PHACTR3: variants seen among roughly 807,000 people sequenced by gnomAD.
PHACTR3 encodes phosphatase and actin regulator 3.
PHACTR3 carries 16 observed loss-of-function variants against 66.8 expected under a neutral mutation model. The observed-to-expected ratio is 0.24, with a 90% CI of 0.16 to 0.36. The LOEUF (loss-of-function observed/expected upper bound fraction) is 0.36. Ranked by LOEUF, PHACTR3 falls within the 10% of genes least tolerant of loss-of-function variation. The probability of loss-of-function intolerance (pLI) is 1.00; values close to 1 mark genes in which losing one functional copy is unlikely to be tolerated. For synonymous variants in PHACTR3, 323 were observed against 292.1 expected (o/e 1.11, Z -1.08); for missense variants, 647 against 719.9 (o/e 0.90, Z 1.16).
intron 8 of PHACTR3, among the ~76,000 whole-genome samples, chr20:59,814,598 G>C (rs2041834734): frequency 1.3e-5 from 2 of 152,062 alleles, no homozygotes; most frequent in African/African-American, 4.8e-5. Context: ...AGCCCGTCGT[G>C]GTGTTTTATA....
At chr20:59,682,010 CAA>C (rs539181814) in intron 1 of PHACTR3, among the ~76,000 whole-genome samples, 14 of 126,470 alleles carry the variant, frequency 1.1e-4, no homozygotes, top group Admixed American at 8.2e-5. Context: ...AACTCTATCT[CAA>C]AAAAAAAAAA....
chr20:59,783,218 C>T (rs1460250037), intron 7 of PHACTR3, among the ~76,000 whole-genome samples: 4 of 152,160 alleles, frequency 2.6e-5, no homozygotes, highest in African/African-American at 7.2e-5. Flanking sequence ...GAAACCCAGC[C>T]ACTCCCTGCA....
intron 1 of PHACTR3, chr20:59,721,173 G>A (rs940961119): frequency 2.0e-5 from 3 of 152,266 alleles, no homozygotes; most frequent in South Asian, 2.1e-4. Flanking sequence ...GAGAGGTTAT[G>A]TAACTTGCCC....
intron 1 of PHACTR3, among the ~76,000 whole-genome samples, chr20:59,618,339 G>GT (rs2034109262): frequency 6.6e-6 from 1 of 152,144 alleles, no homozygotes; most frequent in South Asian, 2.1e-4. Context: ...GTGTGTGTGC[G>GT]TGAGTGTGTG....
chr20:59,840,264 C>T, intron 9 of PHACTR3, 105 bp from the exon 10 acceptor site: 2 of 1,475,646 alleles, frequency 1.4e-6, no homozygotes, highest in East Asian at 2.4e-5. Flanking sequence ...TTAACTTCAG[C>T]TCCCAGAAAT....
chr20:59,590,774 G>T (rs1052305860), intron 1 of PHACTR3, among the ~76,000 whole-genome samples: 2 of 152,138 alleles, frequency 1.3e-5, no homozygotes, highest in Non-Finnish European at 2.9e-5. Context: ...CGGCAGATTT[G>T]CTGTCTGGTG....
rs202106033 is a variant in PHACTR3, at chr20:59,743,288, C to T, written c.280+20C>T. On this transcript the variant is annotated intron_variant, in intron 2 of 12. Coordinates refer to ENST00000371015, the MANE Select transcript of PHACTR3 (RefSeq NM_080672.5). Reference sequence around the variant, plus strand: ...CGTCAGGTAAAGGCCTGGTGACAGGCGCGGGCAGGCTGTGGCTGGGACCAG... The same window carrying T: ...CGTCAGGTAAAGGCCTGGTGACAGGTGCGGGCAGGCTGTGGCTGGGACCAG... 44 of 1,612,468 alleles carry T rather than the reference C, an allele frequency of 2.7e-5. No homozygotes were observed. The African/African-American group carries it at 4.5e-4, about 17-fold the overall frequency.
intron 4 of PHACTR3, among the ~76,000 whole-genome samples, chr20:59,763,041 A>C (rs767280664): frequency 6.6e-6 from 1 of 152,132 alleles, no homozygotes; most frequent in Non-Finnish European, 1.5e-5. Flanking sequence ...CCAAAATCTC[A>C]TCTTGAATTA....
intron 1 of PHACTR3, among the ~76,000 whole-genome samples, chr20:59,645,202 CT>C (rs1390327094): frequency 2.2e-5 from 3 of 139,042 alleles, no homozygotes; most frequent in African/African-American, 5.3e-5. Flanking sequence ...TGATTTTGTT[CT>C]TTTTTATGTT....
At chr20:59,667,870 G>C (rs550793476) in intron 1 of PHACTR3, among the ~76,000 whole-genome samples, 77 of 152,336 alleles carry the variant, frequency 5.1e-4, no homozygotes, top group Non-Finnish European at 6.8e-4. Context: ...TCATGCTTCC[G>C]AGTTAAAACC....
At chr20:59,714,133 G>A (rs2038007575) in intron 1 of PHACTR3, among the ~76,000 whole-genome samples, 1 of 152,166 alleles carries the variant, frequency 6.6e-6, no homozygotes, top group Non-Finnish European at 1.5e-5. Flanking sequence ...TTCTGGATAT[G>A]AGTCTTTGGT....
At chr20:59,722,600 G>A (rs761811875) in intron 1 of PHACTR3, among the ~76,000 whole-genome samples, 1 of 152,178 alleles carries the variant, frequency 6.6e-6, no homozygotes, top group Non-Finnish European at 1.5e-5. Flanking sequence ...AAGGCCTGCT[G>A]TGCATTGCTG....
At chr20:59,707,723 C>T (rs2037761051) in intron 1 of PHACTR3, among the ~76,000 whole-genome samples, 1 of 152,236 alleles carries the variant, frequency 6.6e-6, no homozygotes, top group East Asian at 1.9e-4. Flanking sequence ...ACCTCAGCCT[C>T]CCAAAGTGCT....
At chr20:59,770,688 C>G (rs1601315578) in intron 5 of PHACTR3, among the ~76,000 whole-genome samples, 2 of 152,346 alleles carry the variant, frequency 1.3e-5, no homozygotes, top group African/African-American at 4.8e-5. Context: ...TGAGTCACTA[C>G]AGGCCCATTA....
At chr20:59,628,184 C>T (rs1293942128) in intron 1 of PHACTR3, 2 of 152,224 alleles carry the variant, frequency 1.3e-5, no homozygotes, top group East Asian at 3.9e-4. Context: ...CTCTCATGTC[C>T]TCCTCCCAAG....
rs1488944769 is a variant in PHACTR3 at position 59,635,181 on chromosome 20, T to TC, written c.118+30050dup. 1.5e-4 allele frequency among the ~76,000 whole-genome samples: 9 copies of TC among 58,152 alleles called. No individual in the cohort carries two copies. The East Asian group carries it at 3.4e-3, about 22-fold the overall frequency. 38.1% of individuals were successfully genotyped at this position (58,152 alleles called of 152,430 possible). ...TCTTTCTTTCTTTCCTTTCTTTCTT[T>TC]CTTTCTTTCTTTCTCTTTCTTTCTT... On this transcript the variant is annotated intron_variant, in intron 1 of 12. Transcript: ENST00000371015.
intron 4 of PHACTR3, among the ~76,000 whole-genome samples, chr20:59,760,059 T>C (rs1222071389): frequency 6.6e-6 from 1 of 152,094 alleles, no homozygotes; most frequent in East Asian, 1.9e-4. Flanking sequence ...CCATGAGCTT[T>C]GCTGGGGGTC....
At chr20:59,694,188 T>G (rs2037210645) in intron 1 of PHACTR3, among the ~76,000 whole-genome samples, 2 of 152,210 alleles carry the variant, frequency 1.3e-5, no homozygotes, top group South Asian at 4.1e-4. Context: ...GCTTTCTACC[T>G]TGTCATGAAA....
intron 1 of PHACTR3, among the ~76,000 whole-genome samples, chr20:59,605,872 G>A (rs1568929102): frequency 6.9e-6 from 1 of 145,160 alleles, no homozygotes; most frequent in Non-Finnish European, 1.5e-5. Flanking sequence ...GGGGGGGGTG[G>A]GCTGTGTGCG....
Sources: allele counts gnomAD v4.1 joint callset (sites outside exome capture counted in the v4.1 genomes callset), GRCh38; gene constraint gnomAD v4.1.1; transcripts MANE v1.5; gene names NCBI Gene and HGNC (gene_info 2026-07-23, HGNC 2026-07-21).